MAF: variants seen among roughly 807,000 people sequenced by gnomAD.
MAF encodes MAF bZIP transcription factor.
In MAF, 10 loss-of-function variants were observed where a neutral mutation model predicts 22.0. The ratio of observed to expected loss-of-function variants is 0.45; its 90% CI spans 0.28 to 0.77. The LOEUF is 0.77. MAF is among the 30% of genes least tolerant of loss of function. The probability of loss-of-function intolerance (pLI) is 0.12; values close to 1 mark genes in which losing one functional copy is unlikely to be tolerated. For synonymous variants in MAF, 337 were observed against 255.8 expected, an observed-to-expected ratio of 1.32 and a Z score of -3.03; for missense variants, 544 against 548.4, an observed-to-expected ratio of 0.99 and a Z score of 0.08.
chr16:79,476,107 A>G, the MAF span, among the ~76,000 whole-genome samples: 1 of 152,230 alleles, frequency 6.6e-6, no homozygotes, highest in Non-Finnish European at 1.5e-5. Context: ...TCAAAGCAGC[A>G]GAAACTTTCT....
At chr16:79,579,940 T>C in the MAF span, among the ~76,000 whole-genome samples, 48 of 152,272 alleles carry the variant, frequency 3.2e-4, no homozygotes, top group African/African-American at 1.1e-3. Context: ...CTCCTACCAA[T>C]ACTTGAGAAA....
At chr16:79,527,789 A>G in the MAF span, among the ~76,000 whole-genome samples, 1 of 152,184 alleles carries the variant, frequency 6.6e-6, no homozygotes, top group Non-Finnish European at 1.5e-5. Flanking sequence ...AGTTCTTTTC[A>G]TAAGATGGTA....
chr16:79,211,979 A>G, the MAF span: 11 of 1,536,102 alleles, frequency 7.2e-6, no homozygotes, highest in Non-Finnish European at 9.6e-6. Context: ...TTCCTGGGGT[A>G]AAGTATCACT....
the MAF span, among the ~76,000 whole-genome samples, chr16:79,403,412 C>T: frequency 5.3e-5 from 8 of 152,186 alleles, no homozygotes; most frequent in East Asian, 1.9e-4. Flanking sequence ...GAGACAGCCT[C>T]AAACGCAGAA....
the MAF span, among the ~76,000 whole-genome samples, chr16:79,488,641 A>G: frequency 6.6e-6 from 1 of 152,126 alleles, no homozygotes; most frequent in Non-Finnish European, 1.5e-5. Flanking sequence ...ATTATTAGAG[A>G]GACTGAAGGA....
chr16:79,518,335 T>C, the MAF span, among the ~76,000 whole-genome samples: 2 of 152,206 alleles, frequency 1.3e-5, no homozygotes, highest in African/African-American at 4.8e-5. Flanking sequence ...AATTTTGGTG[T>C]CCTTCTCTGG....
chr16:79,311,950 G>A, the MAF span, among the ~76,000 whole-genome samples: 16 of 152,236 alleles, frequency 1.1e-4, no homozygotes, highest in African/African-American at 3.6e-4. Flanking sequence ...ATGGCGGAGA[G>A]GGAAGAGGAG....
the MAF span, among the ~76,000 whole-genome samples, chr16:79,226,594 G>T: frequency 2.6e-5 from 4 of 152,070 alleles, no homozygotes; most frequent in East Asian, 3.9e-4. Context: ...AGTTGGTAGG[G>T]TATGATCCCA....
chr16:79,206,094 A>G, the MAF span: 1 of 152,212 alleles, frequency 6.6e-6, no homozygotes, highest in Non-Finnish European at 1.5e-5. Context: ...CCAAATGGAT[A>G]TCATTTCAAT....
the MAF span, among the ~76,000 whole-genome samples, chr16:79,475,751 G>T: frequency 6.6e-6 from 1 of 152,144 alleles, no homozygotes; most frequent in Non-Finnish European, 1.5e-5. Context: ...AAGTGGGGGT[G>T]TGGAGTGAAG....
the MAF span, among the ~76,000 whole-genome samples, chr16:79,552,560 G>C: frequency 2.6e-5 from 4 of 151,986 alleles, no homozygotes; most frequent in East Asian, 1.9e-4. Flanking sequence ...TTATCTTTTC[G>C]TAAGTCTCAT....
At chr16:79,337,577 A>ACAAAACAAAG in the MAF span, among the ~76,000 whole-genome samples, 1 of 151,494 alleles carries the variant, frequency 6.6e-6, no homozygotes, top group African/African-American at 2.4e-5. Context: ...CAAAAACAAA[A>ACAAAACAAAG]CAAAACACAA....
chr16:79,291,878 C>A, the MAF span, among the ~76,000 whole-genome samples: 2 of 150,176 alleles, frequency 1.3e-5, no homozygotes, highest in Admixed American at 6.7e-5. Flanking sequence ...GAAGGCTCAC[C>A]TTGCATAGAG....
the MAF span, among the ~76,000 whole-genome samples, chr16:79,549,306 G>T: frequency 1.3e-5 from 2 of 152,144 alleles, no homozygotes; most frequent in Admixed American, 6.5e-5. Context: ...ACGCTATGAA[G>T]AATGCCTTGT....
At chr16:79,385,533 T>A in the MAF span, among the ~76,000 whole-genome samples, 2 of 152,240 alleles carry the variant, frequency 1.3e-5, no homozygotes, top group Non-Finnish European at 2.9e-5. Flanking sequence ...ATGCGTCTAC[T>A]TATGGCTTTG....
the MAF span, among the ~76,000 whole-genome samples, chr16:79,565,506 T>TGGG: frequency 6.7e-6 from 1 of 149,072 alleles, no homozygotes; most frequent in African/African-American, 2.5e-5. Context: ...TCACGTGTTG[T>TGGG]GGGGGGGGGG....
chr16:79,531,483 T>G, the MAF span, among the ~76,000 whole-genome samples: 1 of 152,040 alleles, frequency 6.6e-6, no homozygotes, highest in Non-Finnish European at 1.5e-5. Flanking sequence ...ATGAATTAAT[T>G]ATACAACTCA....
chr16:79,443,205 T>G, the MAF span, among the ~76,000 whole-genome samples: 1 of 152,172 alleles, frequency 6.6e-6, no homozygotes, highest in Non-Finnish European at 1.5e-5. Flanking sequence ...CCTGAAGCTG[T>G]CACTTTGCTT....
the MAF span, among the ~76,000 whole-genome samples, chr16:79,440,966 CT>C: frequency 6.6e-6 from 1 of 152,160 alleles, no homozygotes; most frequent in African/African-American, 2.4e-5. Flanking sequence ...TGACATATTG[CT>C]ATTATGCGGT....
Sources: allele counts gnomAD v4.1 joint callset (sites outside exome capture counted in the v4.1 genomes callset), GRCh38; gene constraint gnomAD v4.1.1; transcripts MANE v1.5; gene names NCBI Gene and HGNC (gene_info 2026-07-23, HGNC 2026-07-21).